The following TVP23A variants were observed in gnomAD, a reference collection of about 807,000 sequenced individuals.
TVP23A encodes trans-golgi network vesicle protein 23 homolog A, also known as Golgi apparatus membrane protein TVP23 homolog A.
A neutral mutation model predicts 31.7 loss-of-function variants in TVP23A; 21 were observed. The ratio of observed to expected loss-of-function variants is 0.66; its 90% CI spans 0.47 to 0.95. TVP23A has a LOEUF of 0.95. Among genes scored for constraint, TVP23A ranks in the 40% least tolerant of loss-of-function variants. The probability of loss-of-function intolerance (pLI) is 0.00; values close to 1 mark genes in which losing one functional copy is unlikely to be tolerated. For synonymous variants in TVP23A, 104 were observed against 96.0 expected (o/e 1.08, Z -0.49); for missense variants, 279 against 255.6 (o/e 1.09, Z -0.62).
At chr16:10,783,508 T>C (rs2032549694) in intron 2 of TVP23A, among the ~76,000 whole-genome samples, 1 of 152,074 alleles carries the variant, frequency 6.6e-6, no homozygotes, top group Non-Finnish European at 1.5e-5. Flanking sequence ...AAAATCCATC[T>C]CTACTAAAAA....
downstream of TVP23A, among the ~76,000 whole-genome samples, chr16:10,757,465 G>T (rs1318651174): frequency 6.6e-6 from 1 of 152,176 alleles, no homozygotes; most frequent in Non-Finnish European, 1.5e-5. The surrounding 1 kb of genome is among the most constrained non-coding windows in gnomAD (Gnocchi z 4.1). Context: ...TTTTGAGCCA[G>T]ATAAGTCTTT....
At chr16:10,808,694 T>C in intron 2 of TVP23A, 1 of 367,330 alleles carries the variant, frequency 2.7e-6, no homozygotes. Context: ...GGAGGATTGC[T>C]TGAGCTCAGG....
intron 2 of TVP23A, among the ~76,000 whole-genome samples, chr16:10,789,306 C>A (rs1348689479): frequency 1.3e-5 from 2 of 152,066 alleles, no homozygotes; most frequent in Non-Finnish European, 2.9e-5. Context: ...AATTCCCCCC[C>A]AAGAGACAGT....
chr16:10,758,410 T>C (rs1018866503), downstream of TVP23A, among the ~76,000 whole-genome samples: 1 of 152,066 alleles, frequency 6.6e-6, no homozygotes, highest in African/African-American at 2.4e-5. Context: ...GGAAAGGAGG[T>C]TGCAGTGAGC....
chr16:10,762,721 A>G (rs1000043470), downstream of TVP23A, among the ~76,000 whole-genome samples: 1 of 151,472 alleles, frequency 6.6e-6, no homozygotes, highest in East Asian at 2.0e-4. Context: ...TTGTCAGGGA[A>G]CCAAGGCCAG....
intron 2 of TVP23A, among the ~76,000 whole-genome samples, chr16:10,789,357 T>A (rs952979628): frequency 1.3e-5 from 2 of 152,068 alleles, no homozygotes; most frequent in Admixed American, 1.3e-4. Context: ...AATGTGTTGA[T>A]GAAAAGAGTC....
intron 2 of TVP23A, among the ~76,000 whole-genome samples, chr16:10,795,056 C>T (rs891584502): frequency 6.6e-6 from 1 of 152,028 alleles, no homozygotes; most frequent in Non-Finnish European, 1.5e-5. Context: ...GGGGCAGGGA[C>T]ATTGGAACAC....
At chr16:10,759,299 G>A (rs1316078720), downstream of TVP23A, among the ~76,000 whole-genome samples, 1 of 152,168 alleles carries the variant, frequency 6.6e-6, no homozygotes, top group Non-Finnish European at 1.5e-5. The surrounding 1 kb of genome is among the most constrained non-coding windows in gnomAD (Gnocchi z 4.7). Context: ...GGGTGTCCGG[G>A]TCAGAAAATG....
intron 2 of TVP23A, among the ~76,000 whole-genome samples, chr16:10,811,982 A>G (rs2034226839): frequency 6.6e-6 from 1 of 151,988 alleles, no homozygotes; most frequent in Non-Finnish European, 1.5e-5. Context: ...ATCAGAAGAC[A>G]CAACCAACAG....
chr16:10,807,111 T>C (rs183927805), intron 2 of TVP23A, among the ~76,000 whole-genome samples: 1 of 152,280 alleles, frequency 6.6e-6, no homozygotes, highest in East Asian at 1.9e-4. Context: ...CCCCAAAAGC[T>C]CAGGGGACAG....
In TVP23A at chr16:10,818,642, C is replaced by A; in HGVS notation, c.-149G>T. 6.0e-6 allele frequency: 6 copies of A among 998,448 alleles called. No homozygotes were observed. Among genetic ancestry groups the A allele is most frequent in the Non-Finnish European group, 8.3e-6 (6 of 726,812 alleles). The allele number at this position is 998,448 out of a possible 1,614,324, so 61.8% of individuals were successfully genotyped here. Reference sequence around the variant, plus strand: ...CCTGCGCCCTGTGGGGCAGCCTCAGCGCAGCTTCTCGGGTGGGGCGGGGCG... The same window carrying A: ...CCTGCGCCCTGTGGGGCAGCCTCAGAGCAGCTTCTCGGGTGGGGCGGGGCG... On this transcript the variant is annotated 5_prime_UTR_variant, in exon 1 of 8. Transcript: ENST00000299866. This position sits in a 1 kb window ranked among gnomAD's most constrained non-coding sequence, Gnocchi z 4.7.
intron 2 of TVP23A, chr16:10,775,588 A>G: frequency 1.0e-6 from 1 of 976,182 alleles, no homozygotes; most frequent in South Asian, 4.3e-5. Flanking sequence ...TGGCAGGTCT[A>G]ACTCATCATA....
chr16:10,798,194 T>C (rs1181546564), intron 2 of TVP23A, among the ~76,000 whole-genome samples: 1 of 151,678 alleles, frequency 6.6e-6, no homozygotes, highest in Non-Finnish European at 1.5e-5. Context: ...CTCCTGACCT[T>C]GTTATCTGCC....
In TVP23A at chr16:10,818,518, G is replaced by T. The variant is rs779805018; in HGVS notation, c.-25C>A. Reference sequence around the variant, plus strand: ...TCACCCTCCCAGGAGCCCACCTGGCGCCCAGGCCCGGGGCTCCAGCTCCGC... The same window carrying T: ...TCACCCTCCCAGGAGCCCACCTGGCTCCCAGGCCCGGGGCTCCAGCTCCGC... On this transcript the variant is annotated 5_prime_UTR_variant, in exon 1 of 8. Coordinates refer to ENST00000299866, the MANE Select transcript of TVP23A (RefSeq NM_001079512.4). The surrounding 1 kb of genome is among the most constrained non-coding windows in gnomAD (Gnocchi z 4.7). 1 of 1,600,494 alleles carries T rather than the reference G, an allele frequency of 6.2e-7. No individual in the cohort carries two copies.
intron 2 of TVP23A, among the ~76,000 whole-genome samples, chr16:10,806,968 T>C (rs1457235246): frequency 1.3e-5 from 2 of 152,242 alleles, no homozygotes; most frequent in Non-Finnish European, 2.9e-5. Context: ...CGTGATTCTG[T>C]GGGTTATTTT....
chr16:10,774,115 CT>C lies in TVP23A; in HGVS notation c.247del (p.Arg83AspfsTer12). 6.2e-7 allele frequency: 1 copy of C among 1,609,672 alleles called. No individual in the cohort carries two copies. The highest frequency in any genetic ancestry group is 1.1e-5 in the South Asian group (1 of 89,788). ...CCACCATCGAAGGCCCACCAGGAGT[CT>C]TCCGGTTACATTCTGAGAACAATAG... Reference protein sequence around the residue: ...DFWSVKNVTGRLLVGLRWWNQ... With the variant: ...DFWSVKNVTGXLLVGLRWWNQ... On this transcript the variant is annotated frameshift_variant, in exon 4 of 8. Coordinates refer to ENST00000299866, the MANE Select transcript of TVP23A (RefSeq NM_001079512.4). LOFTEE classifies it high-confidence loss of function.
chr16:10,758,346 G>A (rs561261883), downstream of TVP23A, among the ~76,000 whole-genome samples: 13 of 152,110 alleles, frequency 8.5e-5, no homozygotes, highest in Admixed American at 1.3e-4. Context: ...GGTGGCTCGC[G>A]CCTGTAGTTC....
At chr16:10,772,685 T>C (rs1199990209) in intron 5 of TVP23A, among the ~76,000 whole-genome samples, 1 of 152,230 alleles carries the variant, frequency 6.6e-6, no homozygotes, top group Non-Finnish European at 1.5e-5. Context: ...AGTCCATTTA[T>C]ATGAAATGCC....
chr16:10,775,365 C>T, intron 2 of TVP23A: 3 of 1,250,754 alleles, frequency 2.4e-6, no homozygotes, highest in Non-Finnish European at 3.0e-6. Flanking sequence ...ATCACTTGCC[C>T]TCTTCGAAAC....
Sources: allele counts gnomAD v4.1 joint callset (sites outside exome capture counted in the v4.1 genomes callset), GRCh38; gene constraint gnomAD v4.1.1; non-coding constraint Gnocchi (gnomAD v3.1); transcripts MANE v1.5; gene names NCBI Gene and HGNC (gene_info 2026-07-23, HGNC 2026-07-21).